The following KIF26A variants were observed in gnomAD, a reference collection of about 807,000 sequenced individuals.
KIF26A encodes the protein kinesin family member 26A, also known as kinesin-like protein KIF26A.
In KIF26A, 74 loss-of-function variants were observed where a neutral mutation model predicts 126.0. The ratio of observed to expected loss-of-function variants is 0.59; its 90% CI spans 0.49 to 0.71. The LOEUF is 0.71. Ranked by LOEUF, KIF26A falls within the 30% of genes least tolerant of loss-of-function variation. KIF26A has a pLI of 0.00. For synonymous variants in KIF26A, 1,445 were observed against 1,232.7 expected (o/e 1.17, Z -3.61); for missense variants, 2,984 against 2,763.3 (o/e 1.08, Z -1.79).
At chr14:104,145,501 T>C (rs1332318884) in intron 2 of KIF26A, among the ~76,000 whole-genome samples, 2 of 152,146 alleles carry the variant, frequency 1.3e-5, no homozygotes, top group African/African-American at 4.8e-5. Context: ...CGGCGCCAGG[T>C]CACTCAGCTC....
chr14:104,152,435 A>G lies in KIF26A; in HGVS notation c.709A>G (p.Asn237Asp). 6.3e-7 allele frequency: 1 copy of G among 1,589,958 alleles called. No individual in the cohort carries two copies. The highest frequency in any genetic ancestry group is 8.5e-7 in the Non-Finnish European group (1 of 1,169,732). Residue 237 changes from asparagine (N) to aspartate (D), a missense_variant, in exon 3 of 15, where the codon AAC becomes GAC. Physicochemically the swap from Asn to Asp is conservative, Grantham distance 23 (BLOSUM62 1). Transcript: ENST00000423312. The surrounding 1 kb of genome is among the most constrained non-coding windows in gnomAD (Gnocchi z 5.9). Reference sequence around the variant, plus strand: ...GGGCATGTGGAGTGTCTCGCGGGTCAACAGCTTCCTCCCGCCGGCGTGCCT... The same window carrying G: ...GGGCATGTGGAGTGTCTCGCGGGTCGACAGCTTCCTCCCGCCGGCGTGCCT... ...LEGMWSVSRV[N>D]SFLPPACLAE...
chr14:104,167,309 G>A (rs369952489), intron 5 of KIF26A, among the ~76,000 whole-genome samples: 11 of 152,028 alleles, frequency 7.2e-5, no homozygotes, highest in Admixed American at 1.3e-4. Flanking sequence ...AGCGTGGGGC[G>A]GGACAGCCAG....
At chr14:104,145,485 C>T (rs2037672485) in intron 2 of KIF26A, among the ~76,000 whole-genome samples, 1 of 152,204 alleles carries the variant, frequency 6.6e-6, no homozygotes, top group Non-Finnish European at 1.5e-5. Flanking sequence ...GTAGTCCCGC[C>T]TGGCCCGGCG....
chr14:104,168,225 A>G (rs1013624768), intron 5 of KIF26A, among the ~76,000 whole-genome samples: 1 of 152,176 alleles, frequency 6.6e-6, no homozygotes. Flanking sequence ...CATGCTGGCT[A>G]CGGGGAAGGG....
chr14:104,143,939 A>T (rs1262202023), intron 2 of KIF26A, among the ~76,000 whole-genome samples: 2 of 152,186 alleles, frequency 1.3e-5, no homozygotes, highest in Non-Finnish European at 2.9e-5. Flanking sequence ...TAACTCTACC[A>T]GGAAGGGCTC....
intron 5 of KIF26A, among the ~76,000 whole-genome samples, chr14:104,168,371 A>T (rs997692963): frequency 2.0e-5 from 3 of 152,062 alleles, no homozygotes; most frequent in Admixed American, 6.5e-5. Context: ...GAGCCCTCCA[A>T]CCTCTCCAGG....
chr14:104,155,878 G>A (rs1012236414), intron 3 of KIF26A, among the ~76,000 whole-genome samples: 5 of 152,160 alleles, frequency 3.3e-5, no homozygotes, highest in Admixed American at 2.0e-4. Flanking sequence ...TGGAGGGGCC[G>A]GGTGGGCTGT....
rs983059629 is a variant in KIF26A at position 104,176,954 on chromosome 14, G to A, written c.4166G>A (p.Arg1389Gln). 20 of 1,534,804 alleles carry A rather than the reference G, an allele frequency of 1.3e-5. No homozygotes were observed. The highest frequency in any genetic ancestry group is 2.4e-5 in the East Asian group (1 of 40,868). Residue 1389 changes from arginine to glutamine, a missense_variant, in exon 12 of 15, where the codon CGG becomes CAG. Physicochemically the swap from Arg to Gln is conservative, Grantham distance 43. Coordinates refer to ENST00000423312, the MANE Select transcript of KIF26A (RefSeq NM_015656.2). ...SAPPHAVNPA[R>Q]VGAAAVLRGE... ...CCTCCGCATGCTGTGAACCCGGCGC[G>A]GGTCGGGGCTGCTGCTGTCCTTCGA...
Position 104,179,657 on chromosome 14 carries a change from C to T in KIF26A, c.5516C>T (p.Ala1839Val), listed in dbSNP as rs1370564298. The T allele has an allele frequency of 3.9e-6, 6 of 1,547,310 alleles. No individual in the cohort carries two copies. Among genetic ancestry groups the T allele is most frequent in the African/African-American group, 2.7e-5 (2 of 72,900 alleles). The change falls in exon 15 of 15, where the codon GCC becomes GTC. Residue 1839 changes from alanine (A) to valine (V), a missense_variant. Transcript: ENST00000423312. Reference sequence around the variant, plus strand: ...CCCGAGTCGGCCGAGTACCTGGCGGCCCTGGAGCGAGCCACGGCGGCCCTG... The same window carrying T: ...CCCGAGTCGGCCGAGTACCTGGCGGTCCTGGAGCGAGCCACGGCGGCCCTG... ...LEPESAEYLA[A>V]LERATAALEQ...
chr14:104,152,665 C>T lies in KIF26A; in HGVS notation c.735+204C>T, dbSNP rs575605577. On this transcript the variant is annotated intron_variant, in intron 3 of 14. Transcript: ENST00000423312. The surrounding 1 kb of genome is among the most constrained non-coding windows in gnomAD (Gnocchi z 5.9). ...CACAGCAGCTGTTCTCAGGTCCCTGCCTGACTCAGGGAATACCTTCTCTGG... is the reference window on the plus strand; with the variant it reads ...CACAGCAGCTGTTCTCAGGTCCCTGTCTGACTCAGGGAATACCTTCTCTGG... Among the ~76,000 whole-genome samples, 1 of 152,352 alleles carries T rather than the reference C, an allele frequency of 6.6e-6. No individual in the cohort carries two copies. Among genetic ancestry groups the T allele is most frequent in the South Asian group, 2.1e-4 (1 of 4,824 alleles).
At chr14:104,140,469 G>GC (rs1183819941) in intron 2 of KIF26A, among the ~76,000 whole-genome samples, 2 of 152,190 alleles carry the variant, frequency 1.3e-5, no homozygotes, top group Non-Finnish European at 2.9e-5. Context: ...CCATCTTGCT[G>GC]CCCCATTAGG....
Position 104,176,562 on chromosome 14 carries a change from C to T in KIF26A, c.3774C>T (p.Gly1258=). ...GECDTQAASA[G]RAPSPTLGSP... Reference sequence around the variant, plus strand: ...GTGATACCCAGGCAGCTTCTGCTGGCAGGGCCCCCAGCCCCACACTTGGCT... The same window carrying T: ...GTGATACCCAGGCAGCTTCTGCTGGTAGGGCCCCCAGCCCCACACTTGGCT... The change falls in exon 12 of 15, where the codon GGC becomes GGT. Residue 1258 remains glycine, a synonymous_variant. Transcript: ENST00000423312. 6.2e-7 allele frequency: 1 copy of T among 1,606,766 alleles called. No homozygotes were observed. Among genetic ancestry groups the T allele is most frequent in the Non-Finnish European group, 8.5e-7 (1 of 1,179,696 alleles).
intron 5 of KIF26A, among the ~76,000 whole-genome samples, chr14:104,168,612 G>A (rs949513263): frequency 1.3e-4 from 20 of 152,186 alleles, no homozygotes; most frequent in African/African-American, 4.8e-4. Flanking sequence ...GGAGCCTCCC[G>A]ATCTCCCTGA....
intron 4 of KIF26A, among the ~76,000 whole-genome samples, chr14:104,165,263 G>C (rs1023321795): frequency 5.3e-5 from 8 of 151,574 alleles, no homozygotes; most frequent in Non-Finnish European, 1.0e-4. Flanking sequence ...GCATGTGTGT[G>C]TCTGTATCTC....
Position 104,175,118 on chromosome 14 carries a change from C to T in KIF26A, c.2330C>T (p.Pro777Leu), listed in dbSNP as rs771250100. 1 of 1,606,154 alleles carries T rather than the reference C, an allele frequency of 6.2e-7. No homozygotes were observed. Among genetic ancestry groups the T allele is most frequent in the Non-Finnish European group, 8.5e-7 (1 of 1,177,472 alleles). The change falls in exon 12 of 15, where the codon CCC becomes CTC. Residue 777 changes from proline (P) to leucine (L), a missense_variant. Pro to Leu is a moderately conservative substitution (Grantham distance 98). Transcript: ENST00000423312. The part of the protein sequence containing the change: ...DRTPPCLPGD[P>L]DYSSSSEQSC... ...ACGCCTCCCTGCCTGCCCGGTGACCCCGATTACTCCTCCAGCAGCGAGCAG... is the reference window on the plus strand; with the variant it reads ...ACGCCTCCCTGCCTGCCCGGTGACCTCGATTACTCCTCCAGCAGCGAGCAG...
At position 104,175,215 on chromosome 14, in the gene KIF26A, A is replaced by G. The variant is rs759154096; in HGVS notation, c.2427A>G (p.Glu809=). Residue 809 remains glutamate, a synonymous_variant, in exon 12 of 15, where the codon GAA becomes GAG. Coordinates refer to ENST00000423312, the MANE Select transcript of KIF26A (RefSeq NM_015656.2). ...ALSDRELTDN[E]GPPDFVPIIP... ...CAGACCGGGAGCTCACCGACAACGAAGGTCCGCCTGACTTCGTGCCCATCA... is the reference window on the plus strand; with the variant it reads ...CAGACCGGGAGCTCACCGACAACGAGGGTCCGCCTGACTTCGTGCCCATCA... The G allele has an allele frequency of 2.5e-6, 4 of 1,609,972 alleles. No homozygotes were observed. The highest frequency in any genetic ancestry group is 1.1e-5 in the South Asian group (1 of 90,708).
chr14:104,171,940 G>A lies in KIF26A; in HGVS notation c.1326+5G>A, dbSNP rs2037962028. On this transcript the variant is annotated splice_donor_5th_base_variant and intron_variant, in intron 6 of 14. Coordinates refer to ENST00000423312, the MANE Select transcript of KIF26A (RefSeq NM_015656.2). Reference sequence around the variant, plus strand: ...TTCCCCCAGGACTCCGAGCAGGTACGGGCAGGCGGACTGGGCGTCCTCCCG... The same window carrying A: ...TTCCCCCAGGACTCCGAGCAGGTACAGGCAGGCGGACTGGGCGTCCTCCCG... 1 of 1,550,060 alleles carries A rather than the reference G, an allele frequency of 6.5e-7. No individual in the cohort carries two copies. The highest frequency in any genetic ancestry group is 8.7e-7 in the Non-Finnish European group (1 of 1,147,616).
intron 3 of KIF26A, among the ~76,000 whole-genome samples, chr14:104,156,570 G>A (rs910766479): frequency 3.9e-5 from 6 of 152,182 alleles, no homozygotes; most frequent in South Asian, 2.1e-4. Flanking sequence ...TCCAGGTCCC[G>A]GGAGGGGCCT....
intron 3 of KIF26A, among the ~76,000 whole-genome samples, chr14:104,157,057 C>A (rs1039543158): frequency 2.6e-5 from 4 of 152,134 alleles, no homozygotes; most frequent in Non-Finnish European, 5.9e-5. Context: ...GGTTGCATCC[C>A]CCCACGCCGC....
Sources: gnomAD v4.1 joint callset for allele counts (sites outside exome capture counted in the v4.1 genomes callset) on GRCh38, gnomAD v4.1.1 for gene constraint, Gnocchi (gnomAD v3.1) non-coding constraint, MANE v1.5 for transcripts, NCBI Gene and HGNC (gene_info 2026-07-23, HGNC 2026-07-21) for gene names.